GLG1: variants seen among roughly 807,000 people sequenced by gnomAD.
The protein encoded by GLG1 is Golgi apparatus protein 1.
GLG1 carries 38 observed loss-of-function variants against 160.5 expected under a neutral mutation model. The ratio of observed to expected loss-of-function variants is 0.24; its 90% CI spans 0.18 to 0.31. GLG1 has a LOEUF of 0.31. Ranked by LOEUF, GLG1 falls within the 10% of genes least tolerant of loss-of-function variation. The pLI is 1.00. For synonymous variants in GLG1, 644 were observed against 543.4 expected (o/e 1.19, Z -2.57); for missense variants, 1,373 against 1,505.2 (o/e 0.91, Z 1.45).
chr16:74,507,819 T>C (rs1484125477), intron 3 of GLG1, among the ~76,000 whole-genome samples: 1 of 152,172 alleles, frequency 6.6e-6, no homozygotes, highest in African/African-American at 2.4e-5. Context: ...CTAGGAATAA[T>C]TTGTTAGTAT....
chr16:74,573,855 G>A (rs111848997), intron 1 of GLG1, among the ~76,000 whole-genome samples: 3 of 151,046 alleles, frequency 2.0e-5, no homozygotes, highest in African/African-American at 7.3e-5. Context: ...GTGCAGTGAC[G>A]CAATCTCGGC....
At chr16:74,571,204 TGTAA>T (rs2018817397) in intron 1 of GLG1, among the ~76,000 whole-genome samples, 1 of 151,982 alleles carries the variant, frequency 6.6e-6, no homozygotes, top group Non-Finnish European at 1.5e-5. Flanking sequence ...CTACCAGACA[TGTAA>T]GTGAGGCCAT....
chr16:74,452,207 G>A lies in GLG1; in HGVS notation c.*960C>T. On this transcript the variant is annotated 3_prime_UTR_variant, in exon 26 of 26. Coordinates refer to ENST00000422840, the MANE Select transcript of GLG1 (RefSeq NM_001145667.2). Reference sequence around the variant, plus strand: ...CACTGCTCCCCACACCCATCTTCAAGGACCCCTCCCGCCACAGTCCTGCCT... The same window carrying A: ...CACTGCTCCCCACACCCATCTTCAAAGACCCCTCCCGCCACAGTCCTGCCT... 1 of 1,538,620 alleles carries A rather than the reference G, an allele frequency of 6.5e-7. No homozygotes were observed. The highest frequency in any genetic ancestry group is 8.8e-7 in the Non-Finnish European group (1 of 1,142,338).
At chr16:74,564,052 G>C (rs1220681975) in intron 1 of GLG1, among the ~76,000 whole-genome samples, 1 of 152,190 alleles carries the variant, frequency 6.6e-6, no homozygotes, top group Non-Finnish European at 1.5e-5. Flanking sequence ...CTCCTGAGTA[G>C]TGGAACTACC....
chr16:74,567,957 C>G (rs534604700), intron 1 of GLG1, among the ~76,000 whole-genome samples: 1 of 152,330 alleles, frequency 6.6e-6, no homozygotes, highest in Non-Finnish European at 1.5e-5. Flanking sequence ...CTGAGTGCTC[C>G]AGGTCGGGCC....
At chr16:74,565,491 A>T (rs981648202) in intron 1 of GLG1, among the ~76,000 whole-genome samples, 2 of 152,136 alleles carry the variant, frequency 1.3e-5, no homozygotes, top group East Asian at 3.9e-4. Context: ...ACTGCAACCT[A>T]CTCCTGTAAC....
chr16:74,457,149 C>T (rs1056632769), intron 24 of GLG1, among the ~76,000 whole-genome samples: 1 of 152,160 alleles, frequency 6.6e-6, no homozygotes, highest in African/African-American at 2.4e-5. Flanking sequence ...AATCCCAGCA[C>T]TTTGGGAGGC....
At chr16:74,491,803 T>C (rs1459552510) in intron 7 of GLG1, among the ~76,000 whole-genome samples, 2 of 151,792 alleles carry the variant, frequency 1.3e-5, no homozygotes, top group African/African-American at 2.4e-5. Flanking sequence ...CACGCCCGGC[T>C]AATTTTTTTG....
intron 1 of GLG1, among the ~76,000 whole-genome samples, chr16:74,553,923 G>T (rs535141286): frequency 6.6e-6 from 1 of 152,248 alleles, no homozygotes; most frequent in South Asian, 2.1e-4. Flanking sequence ...CTCTTTAATA[G>T]AAGTAGCTAT....
At chr16:74,563,654 G>A (rs1245592868) in intron 1 of GLG1, among the ~76,000 whole-genome samples, 2 of 147,078 alleles carry the variant, frequency 1.4e-5, no homozygotes, top group African/African-American at 5.1e-5. Flanking sequence ...TTGAACCCAG[G>A]AGGCAGAGGT....
chr16:74,508,846 A>G lies in GLG1; in HGVS notation c.551T>C (p.Ile184Thr), dbSNP rs1215048018. 7.1e-7 allele frequency: 1 copy of G among 1,417,874 alleles called. No individual in the cohort carries two copies. Among genetic ancestry groups the G allele is most frequent in the Admixed American group, 1.7e-5 (1 of 59,758 alleles). 87.8% of individuals were successfully genotyped at this position (1,417,874 alleles called of 1,614,324 possible). Residue 184 changes from isoleucine to threonine, a missense_variant, in exon 3 of 26, where the codon ATA becomes ACA. Around this residue, in one of 4 missense-constraint regions of GLG1, gnomAD observed 322 missense variants for 254.6 expected, o/e 1.26. Transcript: ENST00000422840. ...SVAREVCKST[I>T]TEIKECADEP... is the part of the protein sequence containing the mutation. The stretch of plus-strand genomic sequence containing the variant: ...AATTCTTTGACAACTTACCTCTGTT[A>G]TAGTAGATTTGCAAACCTCTCTGGC...
intron 1 of GLG1, among the ~76,000 whole-genome samples, chr16:74,535,517 C>A (rs1464436869): frequency 6.6e-6 from 1 of 152,226 alleles, no homozygotes; most frequent in Admixed American, 6.5e-5. Context: ...AATACAGCGT[C>A]CACCTCTTGG....
At position 74,459,661 on chromosome 16, in the gene GLG1, A is replaced by G. The variant is rs377651476; in HGVS notation, c.3144+21T>C. The G allele has an allele frequency of 2.6e-6, 3 of 1,176,026 alleles. No individual in the cohort carries two copies. The African/African-American group carries it at 4.6e-5, about 18-fold the overall frequency. 72.8% of individuals were successfully genotyped at this position (1,176,026 alleles called of 1,614,324 possible). On this transcript the variant is annotated intron_variant, in intron 23 of 25. Coordinates refer to ENST00000422840, the MANE Select transcript of GLG1 (RefSeq NM_001145667.2). Reference sequence around the variant, plus strand: ...AAAAAAAAAAGAAATGAAGTGAGGAAAAGAAGGTGACGGTGGTTACCTTTT... The same window carrying G: ...AAAAAAAAAAGAAATGAAGTGAGGAGAAGAAGGTGACGGTGGTTACCTTTT...
intron 2 of GLG1, among the ~76,000 whole-genome samples, chr16:74,511,599 A>AAAAAG (rs1555511810): frequency 1.4e-4 from 21 of 146,540 alleles, no homozygotes; most frequent in East Asian, 2.0e-4. Flanking sequence ...AAAAAAAAAA[A>AAAAAG]AAAGAAAGAA....
At chr16:74,468,819 G>A in intron 17 of GLG1, 127 bp downstream of exon 17, 1 of 672,658 alleles carries the variant, frequency 1.5e-6, no homozygotes, top group Non-Finnish European at 2.7e-6. Context: ...TAAAACTTTT[G>A]CACAGGACTT....
At chr16:74,474,330 G>A (rs773158995) in intron 13 of GLG1, 7 of 517,494 alleles carry the variant, frequency 1.4e-5, no homozygotes, top group Non-Finnish European at 2.1e-5. Flanking sequence ...AAAACCAAAG[G>A]GCTGTATAGA....
At chr16:74,500,670 G>T (rs1404575754) in intron 4 of GLG1, among the ~76,000 whole-genome samples, 3 of 151,942 alleles carry the variant, frequency 2.0e-5, no homozygotes, top group African/African-American at 7.2e-5. Flanking sequence ...AATAATAAAT[G>T]AAATAATAAA....
In GLG1 at chr16:74,505,943, T is replaced by C. The variant is rs532131018; in HGVS notation, c.559-2197A>G. Among the ~76,000 whole-genome samples, 125 of 150,114 alleles carry C rather than the reference T, an allele frequency of 8.3e-4. 1 individual carries two copies. Among genetic ancestry groups the C allele is most frequent in the Non-Finnish European group, 1.6e-3 (111 of 67,824 alleles). On this transcript the variant is annotated intron_variant, in intron 3 of 25. Transcript: ENST00000422840. ...TACTTGGGAGGCTGAGGCAGGAGAA[T>C]TGCTTGAACCCAGGAGGTGGAGGTT...
In GLG1 at chr16:74,596,398, G is replaced by C. The variant is rs138250005; in HGVS notation, c.438+10259C>G. Among the ~76,000 whole-genome samples the C allele has an allele frequency of 2.2e-4, 33 of 151,240 alleles. No individual in the cohort carries two copies. The East Asian group carries it at 6.1e-3, about 28-fold the overall frequency. Reference sequence around the variant, plus strand: ...ACAAAAATTAGCCAGAAGTGGTGGCGTGTGCCTGTAAACCCAGCTACTCGG... The same window carrying C: ...ACAAAAATTAGCCAGAAGTGGTGGCCTGTGCCTGTAAACCCAGCTACTCGG... On this transcript the variant is annotated intron_variant, in intron 1 of 25. Transcript: ENST00000422840.
Sources: gnomAD v4.1 joint callset for allele counts (sites outside exome capture counted in the v4.1 genomes callset) on GRCh38, gnomAD v4.1.1 for gene constraint, gnomAD v4.1.1 regional missense constraint, MANE v1.5 for transcripts, NCBI Gene and HGNC (gene_info 2026-07-23, HGNC 2026-07-21) for gene names.